POFUT2: variants seen among roughly 807,000 people sequenced by gnomAD.
POFUT2 encodes protein O-fucosyltransferase 2.
Under a neutral mutation model 55.0 loss-of-function variants are expected in POFUT2, and 30 were observed. The observed-to-expected ratio is 0.55, with a 90% CI of 0.41 to 0.74. The LOEUF is 0.74. POFUT2 is among the 30% of genes least tolerant of loss of function. The probability of loss-of-function intolerance (pLI) is 0.00; values close to 1 mark genes in which losing one functional copy is unlikely to be tolerated. For missense variants in POFUT2, 524 were observed against 562.6 expected (o/e 0.93, Z 0.69); for synonymous variants, 267 against 231.1 (o/e 1.16, Z -1.41).
chr21:45,283,667 A>C, intron 2 of POFUT2, 140 bp from the exon 3 acceptor site: 1 of 865,892 alleles, frequency 1.2e-6, no homozygotes, highest in Non-Finnish European at 1.8e-6. Flanking sequence ...TCACAAAAGC[A>C]GAGACAGGGC....
rs1025039558 is a variant in POFUT2, at chr21:45,270,867, A to G, written c.832-848T>C. 3.9e-5 allele frequency among the ~76,000 whole-genome samples: 6 copies of G among 152,208 alleles called. No homozygotes were observed. Among genetic ancestry groups the G allele is most frequent in the African/African-American group, 9.7e-5 (4 of 41,446 alleles). On this transcript the variant is annotated intron_variant, in intron 6 of 8. Coordinates refer to ENST00000349485, the MANE Select transcript of POFUT2 (RefSeq NM_133635.6). This position sits in a 1 kb window ranked among gnomAD's most constrained non-coding sequence, Gnocchi z 4.6. ...GGGAAGGCGAAGAGCGCCACAGAGCACCCCGTGGGATAAAAGAATCTGAAC... is the reference window on the plus strand; with the variant it reads ...GGGAAGGCGAAGAGCGCCACAGAGCGCCCCGTGGGATAAAAGAATCTGAAC...
At position 45,283,445 on chromosome 21, in the gene POFUT2, C is replaced by G; in HGVS notation, c.465G>C (p.Lys155Asn). Residue 155 changes from lysine (K) to asparagine (N), a missense_variant, in exon 3 of 9, where the codon AAG becomes AAC. Around this residue, in one of 2 missense-constraint regions of POFUT2, gnomAD observed 274 missense variants for 244.4 expected, o/e 1.12. Transcript: ENST00000349485. ...EGWKEGTWEE[K>N]VDERPCIDQL... is the part of the protein sequence containing the mutation. ...GATCAATACACGGCCGCTCGTCCAC[C>G]TTCTCTTCCCAGGTCCCTTCTTTCC... 1 of 1,613,866 alleles carries G rather than the reference C, an allele frequency of 6.2e-7. No homozygotes were observed. The highest frequency in any genetic ancestry group is 8.5e-7 in the Non-Finnish European group (1 of 1,179,906).
In POFUT2 at chr21:45,283,475, C is replaced by G. The variant is rs866279319; in HGVS notation, c.435G>C (p.Glu145Asp). 6.2e-7 allele frequency: 1 copy of G among 1,613,944 alleles called. No homozygotes were observed. The highest frequency in any genetic ancestry group is 1.1e-5 in the South Asian group (1 of 91,086). The change falls in exon 3 of 9, where the codon GAG becomes GAC. Residue 145 changes from glutamate to aspartate, a missense_variant. Glu to Asp is a conservative substitution (Grantham distance 45, BLOSUM62 2). Around this residue, in one of 2 missense-constraint regions of POFUT2, gnomAD observed 274 missense variants for 244.4 expected, o/e 1.12. Transcript: ENST00000349485. The part of the protein sequence containing the change: ...DQVYVLQSYA[E>D]GWKEGTWEEK... Reference sequence around the variant, plus strand: ...CTTCCCAGGTCCCTTCTTTCCACCCCTCTGCGTAACTTTGCAGGACGTAAA... The same window carrying G: ...CTTCCCAGGTCCCTTCTTTCCACCCGTCTGCGTAACTTTGCAGGACGTAAA...
intron 4 of POFUT2, among the ~76,000 whole-genome samples, chr21:45,278,514 G>A (rs2030108237): frequency 6.6e-6 from 1 of 152,244 alleles, no homozygotes; most frequent in Admixed American, 6.5e-5. Context: ...GCCTGAGGAG[G>A]GGAGGGTGGG....
chr21:45,287,223 C>A lies in POFUT2; in HGVS notation c.131+518G>T, dbSNP rs1280119349. On this transcript the variant is annotated intron_variant, in intron 1 of 8. Coordinates refer to ENST00000349485, the MANE Select transcript of POFUT2 (RefSeq NM_133635.6). ...CCCCTGCCCCTGCCCCTGCCCCTGTCCCGTCCCCGTCCCATCCTTCTTGGC... is the reference window on the plus strand; with the variant it reads ...CCCCTGCCCCTGCCCCTGCCCCTGTACCGTCCCCGTCCCATCCTTCTTGGC... Among the ~76,000 whole-genome samples the A allele has an allele frequency of 2.4e-5, 3 of 124,396 alleles. No individual in the cohort carries two copies. The South Asian group carries it at 8.8e-4, about 37-fold the overall frequency. The allele number at this position is 124,396 out of a possible 152,430, so 81.6% of individuals were successfully genotyped here. A position where few individuals can be genotyped will look rare whatever the true frequency, so the allele number is the denominator to read the frequency against.
chr21:45,270,207 C>G lies in POFUT2; in HGVS notation c.832-188G>C, dbSNP rs976284826. The stretch of plus-strand genomic sequence containing the variant: ...GCGACCAGATGTCTTTCTAAGAAGA[C>G]AGTGAAGCAGTATTAATTACCAGAA... On this transcript the variant is annotated intron_variant, in intron 6 of 8. Coordinates refer to ENST00000349485, the MANE Select transcript of POFUT2 (RefSeq NM_133635.6). The surrounding 1 kb of genome is among the most constrained non-coding windows in gnomAD (Gnocchi z 4.6). 10 of 415,972 alleles carry G rather than the reference C, an allele frequency of 2.4e-5. No homozygotes were observed. The highest frequency in any genetic ancestry group is 1.9e-4 in the African/African-American group (9 of 48,576). 25.8% of individuals were successfully genotyped at this position (415,972 alleles called of 1,614,324 possible).
Position 45,281,250 on chromosome 21 carries a change from T to C in POFUT2, c.638+1099A>G, listed in dbSNP as rs1340083214. Among the ~76,000 whole-genome samples the C allele has an allele frequency of 6.6e-5, 10 of 152,132 alleles. No individual in the cohort carries two copies. Among genetic ancestry groups the C allele is most frequent in the Admixed American group, 6.5e-4 (10 of 15,276 alleles). ...GCTCAGCTCCATTCTAACCTGTAAA[T>C]GTGAGTCAAAAAAACTGACTGGCAA... On this transcript the variant is annotated intron_variant, in intron 4 of 8. Transcript: ENST00000349485. The surrounding 1 kb of genome is among the most constrained non-coding windows in gnomAD (Gnocchi z 5.0).
Position 45,270,160 on chromosome 21 carries a change from G to T in POFUT2, c.832-141C>A. ...CGGGGTGGCTCCAGGGCTGTCTAAG[G>T]GATTCAGGTGGAATCTCGGGGGCGA... On this transcript the variant is annotated intron_variant, in intron 6 of 8. Transcript: ENST00000349485. This position sits in a 1 kb window ranked among gnomAD's most constrained non-coding sequence, Gnocchi z 4.6. 2 of 462,130 alleles carry T rather than the reference G, an allele frequency of 4.3e-6. No individual in the cohort carries two copies. The highest frequency in any genetic ancestry group is 7.2e-6 in the Non-Finnish European group (2 of 275,968). The allele number at this position is 462,130 out of a possible 1,614,324, so 28.6% of individuals were successfully genotyped here.
At chr21:45,271,345 A>G (rs2093218320) in intron 6 of POFUT2, among the ~76,000 whole-genome samples, 4 of 152,212 alleles carry the variant, frequency 2.6e-5, no homozygotes, top group Admixed American at 2.6e-4. Context: ...AATCCAACAA[A>G]CAAGAAAAAA....
At chr21:45,283,223 A>C in intron 3 of POFUT2, 160 bp downstream of exon 3, 1 of 403,592 alleles carries the variant, frequency 2.5e-6, no homozygotes, top group Non-Finnish European at 4.5e-6. Flanking sequence ...GGGTGAAGAC[A>C]CCGTGGCGGG....
chr21:45,268,694 G>A (rs1160863861), intron 7 of POFUT2, among the ~76,000 whole-genome samples: 1 of 150,574 alleles, frequency 6.6e-6, no homozygotes, highest in Non-Finnish European at 1.5e-5. Context: ...GGGAGGTGAG[G>A]AGCGTCTCTG....
chr21:45,267,325 G>A lies in POFUT2; in HGVS notation c.1136+265C>T. 1 of 1,501,372 alleles carries A rather than the reference G, an allele frequency of 6.7e-7. No homozygotes were observed. Among genetic ancestry groups the A allele is most frequent in the Non-Finnish European group, 8.8e-7 (1 of 1,130,040 alleles). 93.0% of individuals were successfully genotyped at this position (1,501,372 alleles called of 1,614,324 possible). Reference sequence around the variant, plus strand: ...ATGGGAAAATGCGACACAAGAAGAGGTTCTGAGACGAGGCCAGCTATGCCA... The same window carrying A: ...ATGGGAAAATGCGACACAAGAAGAGATTCTGAGACGAGGCCAGCTATGCCA... On this transcript the variant is annotated intron_variant, in intron 8 of 8. Transcript: ENST00000349485. This position sits in a 1 kb window ranked among gnomAD's most constrained non-coding sequence, Gnocchi z 4.4.
intron 4 of POFUT2, among the ~76,000 whole-genome samples, chr21:45,279,343 C>T (rs569678256): frequency 1.3e-5 from 2 of 151,996 alleles, no homozygotes; most frequent in African/African-American, 2.4e-5. Flanking sequence ...TGCAGTGAGC[C>T]GAGATCGCGC....
At position 45,281,752 on chromosome 21, in the gene POFUT2, C is replaced by T. The variant is rs544204084; in HGVS notation, c.638+597G>A. ...GATTCAGAAGACCCAAGGGAGGTGA[C>T]GGAGAGGGTCCCAGTCTGCAGCAAG... On this transcript the variant is annotated intron_variant, in intron 4 of 8. Coordinates refer to ENST00000349485, the MANE Select transcript of POFUT2 (RefSeq NM_133635.6). This position sits in a 1 kb window ranked among gnomAD's most constrained non-coding sequence, Gnocchi z 5.0. Among the ~76,000 whole-genome samples, 8 of 152,058 alleles carry T rather than the reference C, an allele frequency of 5.3e-5. No homozygotes were observed. Among genetic ancestry groups the T allele is most frequent in the African/African-American group, 9.6e-5 (4 of 41,460 alleles).
In POFUT2 at chr21:45,286,000, A is replaced by G. The variant is rs905689804; in HGVS notation, c.132-72T>C. On this transcript the variant is annotated intron_variant, in intron 1 of 8. Transcript: ENST00000349485. The surrounding 1 kb of genome is among the most constrained non-coding windows in gnomAD (Gnocchi z 4.9). ...TGCACGGAAAACCCGACTGCTCACAAGTCTCAGCGCGTGGCCCGACTCTAG... is the reference window on the plus strand; with the variant it reads ...TGCACGGAAAACCCGACTGCTCACAGGTCTCAGCGCGTGGCCCGACTCTAG... 20 of 1,422,400 alleles carry G rather than the reference A, an allele frequency of 1.4e-5. No individual in the cohort carries two copies. The highest frequency in any genetic ancestry group is 2.0e-5 in the Admixed American group (1 of 50,630). The allele number at this position is 1,422,400 out of a possible 1,614,324, so 88.1% of individuals were successfully genotyped here.
chr21:45,274,179 G>T (rs954284995), intron 6 of POFUT2, among the ~76,000 whole-genome samples: 12 of 152,204 alleles, frequency 7.9e-5, no homozygotes, highest in African/African-American at 2.9e-4. Context: ...CAACAACCAA[G>T]CTGAGAATCA....
At position 45,284,113 on chromosome 21, in the gene POFUT2, C is replaced by T. The variant is rs999564021; in HGVS notation, c.383-586G>A. Reference sequence around the variant, plus strand: ...CTGCTCAAAGGCAGCAGGAATAAAGCGGGAGGGAGCACCGCGCAGGTGAAG... The same window carrying T: ...CTGCTCAAAGGCAGCAGGAATAAAGTGGGAGGGAGCACCGCGCAGGTGAAG... On this transcript the variant is annotated intron_variant, in intron 2 of 8. Transcript: ENST00000349485. The surrounding 1 kb of genome is among the most constrained non-coding windows in gnomAD (Gnocchi z 5.8). 6.6e-6 allele frequency among the ~76,000 whole-genome samples: 1 copy of T among 151,528 alleles called. No individual in the cohort carries two copies. The highest frequency in any genetic ancestry group is 6.6e-5 in the Admixed American group (1 of 15,070).
chr21:45,278,935 C>G (rs1370514625), intron 4 of POFUT2, among the ~76,000 whole-genome samples: 2 of 152,160 alleles, frequency 1.3e-5, no homozygotes, highest in African/African-American at 2.4e-5. Context: ...AAGTGCCTCT[C>G]CTATTCCAGC....
At position 45,282,526 on chromosome 21, in the gene POFUT2, C is replaced by T. The variant is rs1452949969; in HGVS notation, c.528-67G>A. The T allele has an allele frequency of 1.1e-6, 1 of 914,242 alleles. No homozygotes were observed. Among genetic ancestry groups the T allele is most frequent in the Non-Finnish European group, 1.8e-6 (1 of 557,812 alleles). The allele number at this position is 914,242 out of a possible 1,614,324, so 56.6% of individuals were successfully genotyped here. ...CTTTCACAAGGAAAACAAATCAAGTCTAGACACGCACACACTGTGGCTTGC... is the reference window on the plus strand; with the variant it reads ...CTTTCACAAGGAAAACAAATCAAGTTTAGACACGCACACACTGTGGCTTGC... On this transcript the variant is annotated intron_variant, in intron 3 of 8. Coordinates refer to ENST00000349485, the MANE Select transcript of POFUT2 (RefSeq NM_133635.6). The surrounding 1 kb of genome is among the most constrained non-coding windows in gnomAD (Gnocchi z 4.6).
Sources: allele counts gnomAD v4.1 joint callset (sites outside exome capture counted in the v4.1 genomes callset), GRCh38; gene constraint gnomAD v4.1.1; regional missense constraint gnomAD v4.1.1; non-coding constraint Gnocchi (gnomAD v3.1); transcripts MANE v1.5; gene names NCBI Gene and HGNC (gene_info 2026-07-23, HGNC 2026-07-21).